The following CARMIL1 variants were observed in gnomAD, a reference collection of about 807,000 sequenced individuals.
CARMIL1 encodes F-actin-uncapping protein LRRC16A.
In CARMIL1, 90 loss-of-function variants were observed where a neutral mutation model predicts 177.1. That is an observed-to-expected ratio of 0.51 (90% CI 0.43 to 0.61). The LOEUF (loss-of-function observed/expected upper bound fraction) is 0.61, where lower values mean the gene tolerates loss of function less well. Ranked by LOEUF, CARMIL1 falls within the 20% of genes least tolerant of loss-of-function variation. CARMIL1 has a pLI of 0.00. For synonymous variants in CARMIL1, 577 were observed against 606.2 expected (o/e 0.95, Z 0.71); for missense variants, 1,380 against 1,667.0 (o/e 0.83, Z 3.00).
intron 2 of CARMIL1, among the ~76,000 whole-genome samples, chr6:25,399,814 C>A (rs1793735519): frequency 6.6e-6 from 1 of 152,154 alleles, no homozygotes; most frequent in African/African-American, 2.4e-5. Context: ...GCTGTTATTA[C>A]TGGTTGAACT....
intron 2 of CARMIL1, among the ~76,000 whole-genome samples, chr6:25,356,853 C>A (rs1418102300): frequency 6.6e-6 from 1 of 152,188 alleles, no homozygotes; most frequent in African/African-American, 2.4e-5. Context: ...GTCCAGCAGA[C>A]CTTCTTTTGG....
At chr6:25,282,296 A>G (rs746236668) in intron 1 of CARMIL1, among the ~76,000 whole-genome samples, 4 of 152,064 alleles carry the variant, frequency 2.6e-5, no homozygotes, top group South Asian at 4.1e-4. Flanking sequence ...TCAGATGCCC[A>G]TTTCCCGCAA....
intron 22 of CARMIL1, 42 bp from the exon 23 acceptor site, chr6:25,520,202 A>C: frequency 1.1e-6 from 1 of 923,608 alleles, no homozygotes; most frequent in Non-Finnish European, 1.7e-6. Flanking sequence ...AGGTAATAGG[A>C]AGTTATTTTT....
intron 9 of CARMIL1, among the ~76,000 whole-genome samples, chr6:25,470,695 GCA>G (rs924899635): frequency 6.6e-6 from 1 of 152,162 alleles, no homozygotes. Context: ...TCTGGTGAGG[GCA>G]CAGTTTCTTG....
rs926067069 is a variant in CARMIL1 at position 25,619,304 on chromosome 6, A to G, written c.3980-143A>G. Reference sequence around the variant, plus strand: ...TTTCTGTCTAGAGTCTCTAAACATAATAGCAAGTTTGTTTCTGAGAAAGTT... The same window carrying G: ...TTTCTGTCTAGAGTCTCTAAACATAGTAGCAAGTTTGTTTCTGAGAAAGTT... On this transcript the variant is annotated intron_variant, in intron 36 of 36. Coordinates refer to ENST00000329474, the MANE Select transcript of CARMIL1 (RefSeq NM_017640.6). 1.8e-5 allele frequency: 12 copies of G among 675,574 alleles called. No individual in the cohort carries two copies. The Admixed American group carries it at 3.5e-4, about 20-fold the overall frequency. 41.8% of individuals were successfully genotyped at this position (675,574 alleles called of 1,614,324 possible). A position where few individuals can be genotyped will look rare whatever the true frequency, so the allele number is the denominator to read the frequency against.
chr6:25,388,542 T>A (rs1351306256), intron 2 of CARMIL1, among the ~76,000 whole-genome samples: 1 of 152,168 alleles, frequency 6.6e-6, no homozygotes, highest in Non-Finnish European at 1.5e-5. Context: ...TTTTCTGTAT[T>A]TTTAGTAGAG....
chr6:25,575,111 AC>A (rs1426776715), intron 29 of CARMIL1, among the ~76,000 whole-genome samples: 1 of 152,160 alleles, frequency 6.6e-6, no homozygotes, highest in African/African-American at 2.4e-5. Flanking sequence ...AAGTCCCATA[AC>A]CCAGTAAGTA....
chr6:25,346,563 G>A (rs1787536002), intron 2 of CARMIL1, among the ~76,000 whole-genome samples: 1 of 152,190 alleles, frequency 6.6e-6, no homozygotes, highest in Non-Finnish European at 1.5e-5. Flanking sequence ...TAGAGTATAT[G>A]TTTTGTTGAT....
intron 2 of CARMIL1, among the ~76,000 whole-genome samples, chr6:25,336,387 CTG>C (rs1370799929): frequency 6.6e-6 from 1 of 152,196 alleles, no homozygotes; most frequent in African/African-American, 2.4e-5. Context: ...CAGTGACAGA[CTG>C]TACTCTACTC....
chr6:25,429,729 G>T (rs750126441), intron 4 of CARMIL1, among the ~76,000 whole-genome samples: 2 of 151,818 alleles, frequency 1.3e-5, no homozygotes, highest in Non-Finnish European at 2.9e-5. Flanking sequence ...TGAGATTATT[G>T]TGTGGTTTTC....
intron 2 of CARMIL1, among the ~76,000 whole-genome samples, chr6:25,376,202 T>G (rs2150460174): frequency 6.6e-6 from 1 of 152,280 alleles, no homozygotes; most frequent in East Asian, 1.9e-4. Flanking sequence ...TGCCTCAGCC[T>G]TGCGAGTAGC....
intron 2 of CARMIL1, among the ~76,000 whole-genome samples, chr6:25,286,653 T>C (rs1781544406): frequency 1.3e-5 from 2 of 152,224 alleles, no homozygotes; most frequent in Admixed American, 1.3e-4. Context: ...ATGTAGTAAC[T>C]TTATAAGATG....
chr6:25,382,867 A>G (rs1581748151), intron 2 of CARMIL1, among the ~76,000 whole-genome samples: 1 of 152,304 alleles, frequency 6.6e-6, no homozygotes, highest in East Asian at 1.9e-4. Context: ...TTCACCTCTC[A>G]CAAGTGATCT....
intron 2 of CARMIL1, among the ~76,000 whole-genome samples, chr6:25,327,199 C>T (rs2690111): frequency 0.22 from 33,599 of 151,668 alleles, 4,263 homozygotes; most frequent in African/African-American, 0.35. Flanking sequence ...GGTGCAAGAG[C>T]GGGCAAAGGA....
chr6:25,547,140 T>C (rs1450041642), intron 26 of CARMIL1, among the ~76,000 whole-genome samples: 1 of 152,056 alleles, frequency 6.6e-6, no homozygotes, highest in East Asian at 1.9e-4. Flanking sequence ...CTCTAACACC[T>C]CAATGGAGAA....
At chr6:25,528,998 A>G in intron 24 of CARMIL1, 105 bp downstream of exon 24, 1 of 824,844 alleles carries the variant, frequency 1.2e-6, no homozygotes, top group East Asian at 2.7e-5. Context: ...AATAAGAACT[A>G]GTTTTTGAAA....
chr6:25,453,251 A>G (rs1225932699), intron 8 of CARMIL1, among the ~76,000 whole-genome samples: 4 of 152,140 alleles, frequency 2.6e-5, no homozygotes, highest in Non-Finnish European at 5.9e-5. Flanking sequence ...ACTATTGGAA[A>G]AAAAAAAACA....
intron 1 of CARMIL1, among the ~76,000 whole-genome samples, chr6:25,281,223 A>G (rs1011460139): frequency 6.6e-6 from 1 of 150,396 alleles, no homozygotes; most frequent in Non-Finnish European, 1.5e-5. Flanking sequence ...AACCCTGTGG[A>G]GTCTGCATCT....
chr6:25,465,037 A>G (rs1189853150), intron 8 of CARMIL1, among the ~76,000 whole-genome samples: 1 of 141,066 alleles, frequency 7.1e-6, no homozygotes, highest in Non-Finnish European at 1.5e-5. Context: ...CACCTGGGCT[A>G]TCTTATGGAT....
Sources: allele counts gnomAD v4.1 joint callset (sites outside exome capture counted in the v4.1 genomes callset), GRCh38; gene constraint gnomAD v4.1.1; transcripts MANE v1.5; gene names NCBI Gene and HGNC (gene_info 2026-07-23, HGNC 2026-07-21).